The following CLVS1 variants were observed in gnomAD, a reference collection of about 807,000 sequenced individuals.
CLVS1 encodes clavesin-1.
CLVS1 carries 10 observed loss-of-function variants against 33.1 expected under a neutral mutation model. The ratio of observed to expected loss-of-function variants is 0.30; its 90% CI spans 0.19 to 0.51. CLVS1 has a LOEUF of 0.51. CLVS1 is among the 20% of genes least tolerant of loss of function. CLVS1 has a pLI of 0.97. For missense variants in CLVS1, 343 were observed against 433.4 expected (o/e 0.79, Z 1.85); for synonymous variants, 163 against 166.1 (o/e 0.98, Z 0.14).
At chr8:61,194,991 C>G (rs1807573705) in intron 2 of CLVS1, among the ~76,000 whole-genome samples, 1 of 151,676 alleles carries the variant, frequency 6.6e-6, no homozygotes, top group African/African-American at 2.4e-5. Context: ...AATCAGAATA[C>G]AAATGAGAAA....
chr8:61,241,539 T>A (rs1808697992), intron 2 of CLVS1, among the ~76,000 whole-genome samples: 1 of 152,142 alleles, frequency 6.6e-6, no homozygotes, highest in African/African-American at 2.4e-5. Flanking sequence ...GTAAAAAGTA[T>A]AAAAATTAAA....
At chr8:61,289,061 GAAGA>G (rs543621833) in intron 1 of CLVS1, among the ~76,000 whole-genome samples, 104 of 152,312 alleles carry the variant, frequency 6.8e-4, no homozygotes, top group African/African-American at 2.4e-3. Flanking sequence ...TTGAAGCAAA[GAAGA>G]TAGATCCCTT....
chr8:61,015,161 A>G, the CLVS1 span, among the ~76,000 whole-genome samples: 1 of 152,256 alleles, frequency 6.6e-6, no homozygotes, highest in Non-Finnish European at 1.5e-5. Context: ...AAGCCTACAC[A>G]TAGTGACCAC....
intron 1 of CLVS1, among the ~76,000 whole-genome samples, chr8:61,293,240 C>T (rs1031187480): frequency 6.6e-6 from 1 of 152,182 alleles, no homozygotes; most frequent in South Asian, 2.1e-4. Context: ...TCCTCTCTAT[C>T]CTTGTAGACT....
At chr8:61,018,175 G>A in the CLVS1 span, among the ~76,000 whole-genome samples, 1 of 152,176 alleles carries the variant, frequency 6.6e-6, no homozygotes, top group African/African-American at 2.4e-5. Flanking sequence ...GAATTTTACT[G>A]AGTCAGGAGG....
At chr8:61,421,411 G>A (rs1815659324) in intron 3 of CLVS1, among the ~76,000 whole-genome samples, 1 of 152,196 alleles carries the variant, frequency 6.6e-6, no homozygotes, top group African/African-American at 2.4e-5. Flanking sequence ...CTCAGAGGGT[G>A]GTACATGTGT....
At chr8:61,124,296 A>C (rs9643525) in intron 1 of CLVS1, among the ~76,000 whole-genome samples, 11,876 of 152,248 alleles carry the variant, frequency 0.078, 677 homozygotes, top group East Asian at 0.25. Flanking sequence ...GTCTGAAAAA[A>C]ATAAGCAAAC....
intron 5 of CLVS1, among the ~76,000 whole-genome samples, chr8:61,493,026 A>G (rs1257933825): frequency 2.6e-5 from 4 of 152,240 alleles, no homozygotes; most frequent in Non-Finnish European, 5.9e-5. Context: ...ACACAGTTGA[A>G]AACAACCATA....
intron 1 of CLVS1, among the ~76,000 whole-genome samples, chr8:61,076,175 C>A (rs1804906168): frequency 6.6e-6 from 1 of 151,928 alleles, no homozygotes; most frequent in African/African-American, 2.4e-5. Context: ...TCTCTCCCTC[C>A]CTCCTTCTCT....
the CLVS1 span, among the ~76,000 whole-genome samples, chr8:61,039,698 G>A: frequency 6.8e-6 from 1 of 147,016 alleles, no homozygotes; most frequent in Non-Finnish European, 1.5e-5. Context: ...GCACCACCAC[G>A]CCTGTCTAAT....
chr8:61,352,039 T>C (rs911534488), intron 2 of CLVS1, among the ~76,000 whole-genome samples: 2 of 152,178 alleles, frequency 1.3e-5, no homozygotes, highest in South Asian at 2.1e-4. Flanking sequence ...TAAACTATCT[T>C]TTATCTCATG....
chr8:61,115,983 T>C (rs1181427470), intron 1 of CLVS1, among the ~76,000 whole-genome samples: 2 of 145,482 alleles, frequency 1.4e-5, no homozygotes, highest in African/African-American at 2.6e-5. Context: ...TAGTTTACAG[T>C]CCCACCAACA....
Position 61,422,820 on chromosome 8 carries a change from G to A in CLVS1, c.631-31321G>A, listed in dbSNP as rs372890307. 2.0e-4 allele frequency among the ~76,000 whole-genome samples: 30 copies of A among 152,282 alleles called. No individual in the cohort carries two copies. In the East Asian group the frequency reaches 4.4e-3, roughly 23 times the overall value. On this transcript the variant is annotated intron_variant, in intron 3 of 5. Coordinates refer to ENST00000325897, the MANE Select transcript of CLVS1 (RefSeq NM_173519.3). Reference sequence around the variant, plus strand: ...TTGTTTGTGCTCTGGAAGACTAACCGAAAGAGTAAAAGCAGAGGAAACCTG... The same window carrying A: ...TTGTTTGTGCTCTGGAAGACTAACCAAAAGAGTAAAAGCAGAGGAAACCTG...
chr8:61,228,518 C>T (rs1208143570), intron 2 of CLVS1, among the ~76,000 whole-genome samples: 1 of 152,224 alleles, frequency 6.6e-6, no homozygotes, highest in African/African-American at 2.4e-5. Context: ...ACTTATAAAG[C>T]AGCCTATAGC....
intron 3 of CLVS1, among the ~76,000 whole-genome samples, chr8:61,446,665 C>T (rs1816766989): frequency 6.6e-6 from 1 of 152,126 alleles, no homozygotes; most frequent in East Asian, 1.9e-4. Flanking sequence ...GAGAACAGAG[C>T]CCTCATGACC....
chr8:61,237,953 CTG>C (rs1333406654), intron 2 of CLVS1, among the ~76,000 whole-genome samples: 4 of 152,268 alleles, frequency 2.6e-5, no homozygotes, highest in African/African-American at 9.6e-5. Flanking sequence ...GAGGGCAGAA[CTG>C]TGAATACTGA....
intron 5 of CLVS1, among the ~76,000 whole-genome samples, chr8:61,467,240 A>C (rs1448535168): frequency 6.6e-6 from 1 of 152,208 alleles, no homozygotes; most frequent in South Asian, 2.1e-4. Context: ...GACAGTGCTC[A>C]TTAGATGCAA....
intron 2 of CLVS1, among the ~76,000 whole-genome samples, chr8:61,302,947 A>G (rs1585773923): frequency 6.6e-6 from 1 of 152,304 alleles, no homozygotes; most frequent in Non-Finnish European, 1.5e-5. Flanking sequence ...GAATTCTGTC[A>G]CCAGACAGCA....
At chr8:61,166,031 G>GTTTTTTTTTTTT (rs71245557) in intron 2 of CLVS1, among the ~76,000 whole-genome samples, 1,551 of 108,140 alleles carry the variant, frequency 0.014, 146 homozygotes, top group Non-Finnish European at 0.017. Flanking sequence ...GCATCTAAGC[G>GTTTTTTTTTTTT]TTTTTTTTTT....
Sources: gnomAD v4.1 joint callset for allele counts (sites outside exome capture counted in the v4.1 genomes callset) on GRCh38, gnomAD v4.1.1 for gene constraint, MANE v1.5 for transcripts, NCBI Gene and HGNC (gene_info 2026-07-23, HGNC 2026-07-21) for gene names.